CYFIP1: variants seen among roughly 807,000 people sequenced by gnomAD.
The protein encoded by CYFIP1 is cytoplasmic FMR1 interacting protein 1, also known as cytoplasmic FMR1-interacting protein 1.
Under a neutral mutation model 163.5 loss-of-function variants are expected in CYFIP1, and 58 were observed. The observed-to-expected ratio is 0.35, with a 90% CI of 0.29 to 0.44. The LOEUF is 0.44. Among genes scored for constraint, CYFIP1 ranks in the 20% least tolerant of loss-of-function variants. The probability of loss-of-function intolerance (pLI) is 1.00; values close to 1 mark genes in which losing one functional copy is unlikely to be tolerated. For missense variants in CYFIP1, 1,338 were observed against 1,653.8 expected (o/e 0.81, Z 3.31); for synonymous variants, 663 against 660.7 (o/e 1.00, Z -0.05).
At chr15:22,902,009 G>T (rs920886637) in intron 22 of CYFIP1, among the ~76,000 whole-genome samples, 11 of 152,178 alleles carry the variant, frequency 7.2e-5, no homozygotes, top group Non-Finnish European at 1.5e-4. Flanking sequence ...CACCTCAAGT[G>T]TCCCCAGGCA....
At chr15:22,954,120 T>C (rs2062357783) in intron 1 of CYFIP1, among the ~76,000 whole-genome samples, 1 of 152,078 alleles carries the variant, frequency 6.6e-6, no homozygotes, top group Admixed American at 6.6e-5. Flanking sequence ...TCAGCTCGTG[T>C]GGACAGGTAC....
Position 22,943,154 on chromosome 15 carries a change from G to A in CYFIP1, c.569+19C>T. 6.2e-7 allele frequency: 1 copy of A among 1,611,708 alleles called. No homozygotes were observed. Among genetic ancestry groups the A allele is most frequent in the South Asian group, 1.1e-5 (1 of 90,846 alleles). On this transcript the variant is annotated intron_variant, in intron 6 of 30. Coordinates refer to ENST00000617928, the MANE Select transcript of CYFIP1 (RefSeq NM_014608.6). The stretch of plus-strand genomic sequence containing the variant: ...GGGTGCTCTCGGGAGGGCCCGCAGT[G>A]CGCGAGGTGGGTGCTCACCTCTTGT...
At chr15:22,934,475 G>GCAC in intron 9 of CYFIP1, among the ~76,000 whole-genome samples, 1 of 116,404 alleles carries the variant, frequency 8.6e-6, no homozygotes, top group East Asian at 2.6e-4. Context: ...GTGAACCACC[G>GCAC]CACCCAGCCC....
chr15:22,868,357 TTAATAAA>T lies in CYFIP1; in HGVS notation c.*1664_*1670del, dbSNP rs996737867. On this transcript the variant is annotated 3_prime_UTR_variant, in exon 31 of 31. Transcript: ENST00000617928. ...AGAGACTCATTTGAACATGCATAGG[TTAATAAA>T]TAATAAATTCTTATTTAACATTTTG... 95 of 147,242 alleles carry T rather than the reference TTAATAAA, an allele frequency of 6.5e-4. 1 individual carries two copies. Among genetic ancestry groups the T allele is most frequent in the African/African-American group, 2.2e-3 (89 of 40,694 alleles). 9.1% of individuals were successfully genotyped at this position (147,242 alleles called of 1,614,324 possible). A position where few individuals can be genotyped will look rare whatever the true frequency, so the allele number is the denominator to read the frequency against.
rs139294296 is a variant in CYFIP1 at position 22,929,011 on chromosome 15, G to A, written c.1111-983C>T. Among the ~76,000 whole-genome samples, 710 of 152,010 alleles carry A rather than the reference G, an allele frequency of 4.7e-3. 3 individuals are homozygous for A. Among genetic ancestry groups the A allele is most frequent in the Non-Finnish European group, 7.3e-3 (495 of 67,954 alleles). On this transcript the variant is annotated intron_variant, in intron 11 of 30. Coordinates refer to ENST00000617928, the MANE Select transcript of CYFIP1 (RefSeq NM_014608.6). Reference sequence around the variant, plus strand: ...GGGCAGGTGGATTGCCTGAGGTCAGGAGTTCGAGATCAGCCTGGCCAACAT... The same window carrying A: ...GGGCAGGTGGATTGCCTGAGGTCAGAAGTTCGAGATCAGCCTGGCCAACAT...
chr15:22,895,803 A>G (rs1291391639), intron 22 of CYFIP1, among the ~76,000 whole-genome samples: 4 of 152,184 alleles, frequency 2.6e-5, no homozygotes, highest in East Asian at 1.9e-4. Context: ...CGAAGCCCCA[A>G]TAAAAACTGA....
intron 12 of CYFIP1, among the ~76,000 whole-genome samples, chr15:22,927,055 G>A (rs765699513): frequency 3.9e-5 from 6 of 152,068 alleles, no homozygotes; most frequent in Admixed American, 2.0e-4. Context: ...AATGAGACTT[G>A]GCCAGGTACA....
intron 6 of CYFIP1, among the ~76,000 whole-genome samples, chr15:22,941,480 G>A (rs1034997233): frequency 9.9e-5 from 15 of 152,042 alleles, no homozygotes; most frequent in Non-Finnish European, 2.2e-4. Context: ...GAGTTATCTT[G>A]GCATTGACAC....
chr15:22,916,659 G>T, intron 15 of CYFIP1, 29 bp from the exon 16 acceptor site: 1 of 1,614,072 alleles, frequency 6.2e-7, no homozygotes, highest in African/African-American at 1.3e-5. Flanking sequence ...CATTTGTGGG[G>T]GAGAAAATAT....
intron 23 of CYFIP1, among the ~76,000 whole-genome samples, chr15:22,891,866 G>A (rs1200823850): frequency 6.6e-6 from 1 of 152,240 alleles, no homozygotes; most frequent in East Asian, 1.9e-4. Flanking sequence ...AGAGCCAGCT[G>A]GTGCGTTAGA....
chr15:22,918,269 G>A (rs529556929), intron 14 of CYFIP1, among the ~76,000 whole-genome samples: 6 of 152,156 alleles, frequency 3.9e-5, no homozygotes, highest in African/African-American at 1.2e-4. Context: ...GCTGGGCCCC[G>A]CCTGCCCGCA....
Position 22,892,903 on chromosome 15 carries a change from A to G in CYFIP1, c.2663T>C (p.Leu888Pro). ...DKQPNAQPQY[L>P]HGSKALNLAY... is the part of the protein sequence containing the mutation. ...ATTGGAGCCTACCTTGGATCCATGC[A>G]GATACTGAGGCTGTGCATTAGGCTG... The change falls in exon 23 of 31, where the codon CTG (leucine) becomes CCG (proline). Residue 888 changes from leucine (L) to proline (P), a missense_variant. This residue lies in a region of CYFIP1 where 824 missense variants were observed against 995.7 expected (regional missense o/e 0.83). Coordinates refer to ENST00000617928, the MANE Select transcript of CYFIP1 (RefSeq NM_014608.6). The G allele has an allele frequency of 6.2e-7, 1 of 1,612,652 alleles. No homozygotes were observed. Among genetic ancestry groups the G allele is most frequent in the Non-Finnish European group, 8.5e-7 (1 of 1,178,668 alleles).
intron 22 of CYFIP1, among the ~76,000 whole-genome samples, chr15:22,894,666 T>C (rs1566938023): frequency 1.3e-5 from 2 of 151,818 alleles, no homozygotes; most frequent in South Asian, 4.2e-4. Flanking sequence ...GATGGTTAAA[T>C]TTAGAAAGCA....
chr15:22,891,448 C>T (rs1021870038), intron 23 of CYFIP1, among the ~76,000 whole-genome samples: 2 of 152,148 alleles, frequency 1.3e-5, no homozygotes, highest in Non-Finnish European at 2.9e-5. Flanking sequence ...ATAAAAAGAA[C>T]ATATTTTCAA....
At chr15:22,932,413 G>A (rs1290372560) in intron 10 of CYFIP1, 73 bp from the exon 11 acceptor site, 4 of 994,210 alleles carry the variant, frequency 4.0e-6, no homozygotes, top group South Asian at 1.9e-5. Context: ...AGCTCAGGAC[G>A]CCTGTTTGGC....
At chr15:22,951,510 T>C in intron 1 of CYFIP1, 1 of 1,288,372 alleles carries the variant, frequency 7.8e-7, no homozygotes, top group Non-Finnish European at 1.0e-6. Flanking sequence ...AGGACGTGCT[T>C]CGGCCCCATA....
intron 9 of CYFIP1, among the ~76,000 whole-genome samples, chr15:22,934,177 C>CTTTTTTTTTTTTTTT (rs1163626431): frequency 1.5e-5 from 1 of 66,150 alleles, no homozygotes; most frequent in African/African-American, 6.2e-5. Flanking sequence ...GCATTTCTTT[C>CTTTTTTTTTTTTTTT]TTTTTTTTTT....
chr15:22,929,715 C>G (rs183422527), intron 11 of CYFIP1, among the ~76,000 whole-genome samples: 9 of 147,160 alleles, frequency 6.1e-5, no homozygotes, highest in African/African-American at 2.0e-4. Context: ...ACGGGCGGAT[C>G]ACGAGGTCAG....
At chr15:22,944,320 T>A (rs1337846591) in intron 5 of CYFIP1, among the ~76,000 whole-genome samples, 1 of 149,388 alleles carries the variant, frequency 6.7e-6, no homozygotes, top group Non-Finnish European at 1.5e-5. Context: ...GCAGGCTCCA[T>A]GAAGGAAACA....
Sources: allele counts gnomAD v4.1 joint callset (sites outside exome capture counted in the v4.1 genomes callset), GRCh38; gene constraint gnomAD v4.1.1; regional missense constraint gnomAD v4.1.1; transcripts MANE v1.5; gene names NCBI Gene and HGNC (gene_info 2026-07-23, HGNC 2026-07-21).